HIGD1C: variants seen among roughly 807,000 people sequenced by gnomAD.
HIGD1C encodes the protein HIG1 hypoxia inducible domain family member 1C.
In HIGD1C, 11 loss-of-function variants were observed where a neutral mutation model predicts 13.1. That is an observed-to-expected ratio of 0.84 (90% CI 0.53 to 1.39). HIGD1C has a LOEUF of 1.39. HIGD1C is among the 40% of genes most tolerant of loss of function. HIGD1C has a pLI of 0.00. For missense variants in HIGD1C, 110 were observed against 112.0 expected (o/e 0.98, Z 0.08); for synonymous variants, 36 against 37.7 (o/e 0.95, Z 0.17).
chr12:50,969,893 CTGACATCCT>C (rs933488884), intron 2 of HIGD1C, among the ~76,000 whole-genome samples: 1 of 152,038 alleles, frequency 6.6e-6, no homozygotes, highest in African/African-American at 2.4e-5. Context: ...AGAACATTTG[CTGACATCCT>C]TGGAACTCAT....
intron 2 of HIGD1C, among the ~76,000 whole-genome samples, chr12:50,968,102 A>AAGGAGGAGGAGG (rs35382142): frequency 0.012 from 1,695 of 147,346 alleles, 16 homozygotes; most frequent in Middle Eastern, 0.021. Flanking sequence ...TAAGAAGAAG[A>AAGGAGGAGGAGG]AGGAGGAGGA....
At chr12:50,968,301 T>C (rs1483680177) in intron 2 of HIGD1C, among the ~76,000 whole-genome samples, 1 of 152,304 alleles carries the variant, frequency 6.6e-6, no homozygotes, top group East Asian at 1.9e-4. Context: ...AAGGATGAAC[T>C]AGAACCCAAG....
chr12:50,970,449 C>A, exon 3 of HIGD1C: 1 of 1,489,030 alleles, frequency 6.7e-7, no homozygotes, highest in Non-Finnish European at 9.2e-7. Context: ...TAGGTGTTCT[C>A]TATTCTATGT....
intron 2 of HIGD1C, among the ~76,000 whole-genome samples, chr12:50,966,855 T>A (rs1372512836): frequency 2.6e-5 from 4 of 152,156 alleles, no homozygotes; most frequent in Non-Finnish European, 4.4e-5. Flanking sequence ...TGTATTGTGA[T>A]GAGCCACTCA....
the HIGD1C span, among the ~76,000 whole-genome samples, chr12:50,937,664 T>C: frequency 0.03 from 4,583 of 152,098 alleles, 207 homozygotes; most frequent in African/African-American, 0.098. Flanking sequence ...ATGAGGTACA[T>C]AGACACTGGA....
downstream of HIGD1C, among the ~76,000 whole-genome samples, chr12:50,971,450 A>G (rs1169587442): frequency 6.6e-6 from 1 of 152,244 alleles, no homozygotes; most frequent in Non-Finnish European, 1.5e-5. Flanking sequence ...TAGGAATACA[A>G]AGGTAAACTG....
At chr12:50,944,899 T>C in the HIGD1C span, among the ~76,000 whole-genome samples, 2 of 152,034 alleles carry the variant, frequency 1.3e-5, no homozygotes, top group African/African-American at 2.4e-5. Flanking sequence ...AATAAATAAA[T>C]AATTCATCCC....
In HIGD1C at chr12:50,970,380, G is replaced by T. The variant is rs1939718467; in HGVS notation, c.230-62G>T. 18 of 844,226 alleles carry T rather than the reference G, an allele frequency of 2.1e-5. No individual in the cohort carries two copies. In the South Asian group the frequency reaches 2.6e-4, roughly 12 times the overall value. 52.3% of individuals were successfully genotyped at this position (844,226 alleles called of 1,614,324 possible). On this transcript the variant is annotated intron_variant, in intron 2 of 2. Transcript: ENST00000398455. The stretch of plus-strand genomic sequence containing the variant: ...CTAGTTTCATAAAAATACAACAAGT[G>T]GAAGAAATTCAGTGTTTGTTTCCCA...
At chr12:50,949,240 T>A, upstream of HIGD1C, 1 of 154,124 alleles carries the variant, frequency 6.5e-6, no homozygotes, top group Middle Eastern at 5.2e-4. Flanking sequence ...CTGTGTCGCT[T>A]CTCCCCCTTG....
At chr12:50,940,788 A>G in the HIGD1C span, among the ~76,000 whole-genome samples, 32 of 152,140 alleles carry the variant, frequency 2.1e-4, no homozygotes, top group South Asian at 5.6e-3. Context: ...ACAAATATAA[A>G]TGATGCTGTA....
chr12:50,945,570 G>A, the HIGD1C span, among the ~76,000 whole-genome samples: 5 of 152,218 alleles, frequency 3.3e-5, no homozygotes, highest in East Asian at 3.9e-4. Flanking sequence ...ACTGCTCAAC[G>A]AAATAAAAGA....
At chr12:50,941,445 CACA>C in the HIGD1C span, among the ~76,000 whole-genome samples, 241 of 152,230 alleles carry the variant, frequency 1.6e-3, 1 homozygote, top group African/African-American at 5.5e-3. Context: ...CTTACGTTTG[CACA>C]ACATTTGGAT....
At chr12:50,940,722 C>CAAAA in the HIGD1C span, among the ~76,000 whole-genome samples, 69 of 105,108 alleles carry the variant, frequency 6.6e-4, no homozygotes, top group South Asian at 1.6e-3. Context: ...GACCCCATCT[C>CAAAA]AAAAAAAAAA....
rs138396470 is a variant in HIGD1C, at chr12:50,968,131, TGAG to T, written c.230-2298_230-2296del. Among the ~76,000 whole-genome samples, 274 of 147,090 alleles carry T rather than the reference TGAG, an allele frequency of 1.9e-3. No homozygotes were observed. In the Middle Eastern group the frequency reaches 0.021, roughly 12 times the overall value. On this transcript the variant is annotated intron_variant, in intron 2 of 2. Coordinates refer to ENST00000398455, the Ensembl canonical transcript of HIGD1C. ...AGGAGGAGGAGGAGGAGGAGGAGAA[TGAG>T]GAGGAGGAGGAGAAGGGATTTATTA...
At chr12:50,962,526 C>T (rs1939376507) in intron 2 of HIGD1C, among the ~76,000 whole-genome samples, 1 of 151,876 alleles carries the variant, frequency 6.6e-6, no homozygotes, top group South Asian at 2.1e-4. Context: ...ATGGTGAAAC[C>T]CTATCTCTAC....
intron 2 of HIGD1C, among the ~76,000 whole-genome samples, chr12:50,965,287 ATTTT>A (rs77800053): frequency 7.4e-6 from 1 of 134,566 alleles, no homozygotes. Context: ...CTAATTTTTA[ATTTT>A]TTTTTTTTTT....
chr12:50,932,116 T>C, the HIGD1C span: 2 of 152,248 alleles, frequency 1.3e-5, no homozygotes, highest in Non-Finnish European at 2.9e-5. Flanking sequence ...GGGTTCATTT[T>C]CCTTAATACT....
the HIGD1C span, among the ~76,000 whole-genome samples, chr12:50,946,923 TAAAAAC>T: frequency 6.6e-6 from 1 of 151,614 alleles, no homozygotes; most frequent in African/African-American, 2.4e-5. Flanking sequence ...AATAAATAAA[TAAAAAC>T]AAAAAATAAA....
intron 2 of HIGD1C, among the ~76,000 whole-genome samples, chr12:50,968,406 G>C (rs1939629446): frequency 6.6e-6 from 1 of 151,888 alleles, no homozygotes; most frequent in Non-Finnish European, 1.5e-5. Context: ...TGTGTGGGGG[G>C]AGACAGGGTC....
Sources: gnomAD v4.1 joint callset for allele counts (sites outside exome capture counted in the v4.1 genomes callset) on GRCh38, gnomAD v4.1.1 for gene constraint, MANE v1.5 for transcripts, NCBI Gene and HGNC (gene_info 2026-07-23, HGNC 2026-07-21) for gene names.